The following CCSER1 variants were observed in gnomAD, a reference collection of about 807,000 sequenced individuals.
CCSER1 encodes the protein coiled-coil serine rich protein 1, also known as serine-rich coiled-coil domain-containing protein 1.
A neutral mutation model predicts 82.0 loss-of-function variants in CCSER1; 41 were observed. The ratio of observed to expected loss-of-function variants is 0.50; its 90% confidence interval spans 0.39 to 0.65. The LOEUF (loss-of-function observed/expected upper bound fraction) is 0.65. Among genes scored for constraint, CCSER1 ranks in the 30% least tolerant of loss-of-function variants. The probability of loss-of-function intolerance (pLI) is 0.00; values close to 1 mark genes in which losing one functional copy is unlikely to be tolerated. For synonymous variants in CCSER1, 414 were observed against 383.9 expected (o/e 1.08, Z -0.92); for missense variants, 1,119 against 1,064.2 (o/e 1.05, Z -0.72).
At chr4:90,896,682 G>C (rs1164056111) in intron 8 of CCSER1, among the ~76,000 whole-genome samples, 2 of 151,744 alleles carry the variant, frequency 1.3e-5, no homozygotes, top group Admixed American at 1.3e-4. Flanking sequence ...TGGGAGCACT[G>C]GTGAAAAACT....
At chr4:90,958,896 T>C (rs926650750) in intron 9 of CCSER1, among the ~76,000 whole-genome samples, 17 of 152,170 alleles carry the variant, frequency 1.1e-4, no homozygotes, top group African/African-American at 2.2e-4. Flanking sequence ...CCTTCTTCTG[T>C]CTCTACTTGT....
chr4:91,500,243 T>C (rs1444312644), intron 10 of CCSER1, among the ~76,000 whole-genome samples: 1 of 152,078 alleles, frequency 6.6e-6, no homozygotes, highest in Admixed American at 6.6e-5. Context: ...CATCATGTCA[T>C]ATGCTTACTT....
chr4:90,699,264 G>GACCAGGCTGGCGAACATGGCAAA (rs1303618319), intron 6 of CCSER1, among the ~76,000 whole-genome samples: 1 of 152,062 alleles, frequency 6.6e-6, no homozygotes, highest in Non-Finnish European at 1.5e-5. Flanking sequence ...AGGAGTTCAA[G>GACCAGGCTGGCGAACATGGCAAA]ACCAGGCTGG....
intron 10 of CCSER1, among the ~76,000 whole-genome samples, chr4:91,236,305 G>A (rs1047386374): frequency 6.6e-6 from 1 of 151,850 alleles, no homozygotes; most frequent in Admixed American, 6.5e-5. Flanking sequence ...GGCCAACATG[G>A]TGAAACCCCG....
intron 10 of CCSER1, among the ~76,000 whole-genome samples, chr4:91,434,473 G>A (rs965259909): frequency 2.6e-5 from 4 of 151,892 alleles, no homozygotes; most frequent in Admixed American, 6.6e-5. Context: ...AAAGCAATAC[G>A]GGTAAAAAAT....
intron 5 of CCSER1, among the ~76,000 whole-genome samples, chr4:90,502,484 C>T (rs929026052): frequency 4.6e-5 from 7 of 152,130 alleles, no homozygotes; most frequent in African/African-American, 1.7e-4. Flanking sequence ...CAGAGCCAAA[C>T]TATATCACTA....
chr4:90,540,588 AATGCCC>A (rs1775981174), intron 5 of CCSER1, among the ~76,000 whole-genome samples: 1 of 152,080 alleles, frequency 6.6e-6, no homozygotes, highest in African/African-American at 2.4e-5. Context: ...CATGAGAGAA[AATGCCC>A]ATGGAGAAGA....
chr4:91,058,148 T>A (rs1447079384), intron 9 of CCSER1, among the ~76,000 whole-genome samples: 1 of 152,132 alleles, frequency 6.6e-6, no homozygotes, highest in Non-Finnish European at 1.5e-5. Context: ...TTATTTTTCC[T>A]GATCCTCTCC....
intron 10 of CCSER1, among the ~76,000 whole-genome samples, chr4:91,528,617 G>A (rs1454520216): frequency 5.3e-5 from 8 of 152,060 alleles, no homozygotes; most frequent in Admixed American, 5.2e-4. Context: ...ACAATAATGA[G>A]CACATATTAG....
chr4:90,916,154 G>T (rs1581065634), intron 8 of CCSER1, among the ~76,000 whole-genome samples: 1 of 151,940 alleles, frequency 6.6e-6, no homozygotes, highest in Non-Finnish European at 1.5e-5. Flanking sequence ...CACAGAATTG[G>T]AAAAAACTAC....
chr4:90,144,787 A>C (rs181399083), intron 1 of CCSER1, among the ~76,000 whole-genome samples: 95 of 152,202 alleles, frequency 6.2e-4, no homozygotes, highest in African/African-American at 2.2e-3. Flanking sequence ...TTTTTATGTA[A>C]ATTATTTTAT....
intron 10 of CCSER1, among the ~76,000 whole-genome samples, chr4:91,188,806 G>A (rs1581739692): frequency 1.3e-5 from 2 of 152,076 alleles, no homozygotes; most frequent in East Asian, 3.9e-4. Flanking sequence ...ATAGCAAAAT[G>A]TTAACTGGGC....
At chr4:90,261,046 A>G (rs1282041029) in intron 1 of CCSER1, among the ~76,000 whole-genome samples, 1 of 152,102 alleles carries the variant, frequency 6.6e-6, no homozygotes, top group African/African-American at 2.4e-5. Flanking sequence ...CCATTCGGCC[A>G]TTCTTTACCT....
chr4:91,257,008 T>G (rs1229959678), intron 10 of CCSER1, among the ~76,000 whole-genome samples: 2 of 152,214 alleles, frequency 1.3e-5, no homozygotes, highest in African/African-American at 4.8e-5. Flanking sequence ...TGTCACTTTA[T>G]GAAGACTTGT....
At chr4:90,483,855 A>T (rs1047353716) in intron 5 of CCSER1, among the ~76,000 whole-genome samples, 2 of 151,954 alleles carry the variant, frequency 1.3e-5, no homozygotes, top group Admixed American at 1.3e-4. Context: ...TGTATCTTGG[A>T]GTTGCTCTTC....
chr4:91,479,072 A>G (rs1215804834), intron 10 of CCSER1, among the ~76,000 whole-genome samples: 2 of 151,862 alleles, frequency 1.3e-5, no homozygotes, highest in African/African-American at 4.8e-5. Flanking sequence ...ATTATGCACA[A>G]AAGTTAAAAT....
intron 5 of CCSER1, among the ~76,000 whole-genome samples, chr4:90,615,052 T>A (rs1720925080): frequency 6.6e-6 from 1 of 152,170 alleles, no homozygotes; most frequent in African/African-American, 2.4e-5. Context: ...ATGTCTGTGC[T>A]CAATTAATGA....
intron 3 of CCSER1, among the ~76,000 whole-genome samples, chr4:90,376,591 G>A (rs1748350400): frequency 6.6e-6 from 1 of 152,110 alleles, no homozygotes; most frequent in African/African-American, 2.4e-5. Context: ...GAACCCTGGG[G>A]CACATGGTTG....
intron 9 of CCSER1, among the ~76,000 whole-genome samples, chr4:90,973,335 C>T (rs868832303): frequency 1.3e-5 from 2 of 151,498 alleles, no homozygotes; most frequent in East Asian, 1.9e-4. Flanking sequence ...AACAAATAAC[C>T]TGATTAAAAA....
Sources: allele counts gnomAD v4.1 joint callset (sites outside exome capture counted in the v4.1 genomes callset), GRCh38; gene constraint gnomAD v4.1.1; transcripts MANE v1.5; gene names NCBI Gene and HGNC (gene_info 2026-07-23, HGNC 2026-07-21).